BTG4: variants seen among roughly 807,000 people sequenced by gnomAD.
BTG4 encodes the protein protein BTG4.
A neutral mutation model predicts 19.3 loss-of-function variants in BTG4; 10 were observed. That is an observed-to-expected ratio of 0.52 (90% CI 0.32 to 0.88). The LOEUF (loss-of-function observed/expected upper bound fraction) is 0.88, where lower values mean the gene tolerates loss of function less well. Ranked by LOEUF, BTG4 falls within the 40% of genes least tolerant of loss-of-function variation. The probability of loss-of-function intolerance (pLI) is 0.04; values close to 1 mark genes in which losing one functional copy is unlikely to be tolerated. For missense variants in BTG4, 238 were observed against 281.9 expected (o/e 0.84, Z 1.11); for synonymous variants, 91 against 95.7 (o/e 0.95, Z 0.29).
chr11:111,508,542 T>G (rs948112491), intron 1 of BTG4, among the ~76,000 whole-genome samples: 2 of 152,070 alleles, frequency 1.3e-5, no homozygotes, highest in Non-Finnish European at 2.9e-5. Flanking sequence ...GTGTTTTTCC[T>G]TCACAAATTG....
the BTG4 span, among the ~76,000 whole-genome samples, chr11:111,390,695 G>A: frequency 4.6e-5 from 7 of 152,298 alleles, no homozygotes; most frequent in East Asian, 7.7e-4. Context: ...TCCACTCTGC[G>A]ACAGAGACAG....
At chr11:111,496,674 A>T (rs1425352004) in intron 4 of BTG4, 1 of 152,620 alleles carries the variant, frequency 6.6e-6, no homozygotes, top group African/African-American at 2.4e-5. Context: ...AATGAATTTA[A>T]TTGGAAGTAT....
the BTG4 span, among the ~76,000 whole-genome samples, chr11:111,421,849 G>A: frequency 3.9e-5 from 6 of 152,090 alleles, no homozygotes; most frequent in Admixed American, 3.9e-4. Flanking sequence ...GGCAGCAGAG[G>A]TTGCAGTGAG....
Position 111,498,809 on chromosome 11 carries a change from C to T in BTG4, c.-26-7G>A, listed in dbSNP as rs1591519667. 1 of 1,537,236 alleles carries T rather than the reference C, an allele frequency of 6.5e-7. No homozygotes were observed. The highest frequency in any genetic ancestry group is 8.8e-7 in the Non-Finnish European group (1 of 1,135,394). ...GAAAAATAGATAAGGAGGTCTGAAT[C>T]ATTAAAAGGAAGCAAGAAGAAATAG... On this transcript the variant is annotated splice_region_variant and splice_polypyrimidine_tract_variant and intron_variant, in intron 1 of 4. Transcript: ENST00000692032.
intron 1 of BTG4, among the ~76,000 whole-genome samples, chr11:111,503,831 C>A (rs944936429): frequency 6.6e-6 from 1 of 151,986 alleles, no homozygotes; most frequent in Non-Finnish European, 1.5e-5. Flanking sequence ...AACTTGATGG[C>A]TAAGGAATAG....
chr11:111,496,819 G>A (rs1211089510), intron 4 of BTG4: 1 of 229,308 alleles, frequency 4.4e-6, no homozygotes, highest in Admixed American at 5.7e-5. Context: ...CTGCTCTAGT[G>A]GCAGAATTTA....
chr11:111,440,748 G>C, the BTG4 span, among the ~76,000 whole-genome samples: 1 of 152,242 alleles, frequency 6.6e-6, no homozygotes, highest in Non-Finnish European at 1.5e-5. Context: ...CCAAGACAGG[G>C]GGAATGCCCC....
chr11:111,391,649 C>T, the BTG4 span, among the ~76,000 whole-genome samples: 1 of 152,002 alleles, frequency 6.6e-6, no homozygotes, highest in Non-Finnish European at 1.5e-5. Flanking sequence ...GTGTTCCAAG[C>T]TGCTTGTGAT....
intron 1 of BTG4, among the ~76,000 whole-genome samples, chr11:111,510,945 A>G (rs1165171827): frequency 6.6e-6 from 1 of 152,240 alleles, no homozygotes; most frequent in African/African-American, 2.4e-5. Context: ...AGTATTGGGT[A>G]AAAGTGACTA....
intron 5 of BTG4, among the ~76,000 whole-genome samples, chr11:111,470,850 G>A (rs1864022200): frequency 6.6e-6 from 1 of 152,038 alleles, no homozygotes; most frequent in Non-Finnish European, 1.5e-5. Flanking sequence ...TTGAGCCCAG[G>A]AGTTTGAAGC....
At chr11:111,504,333 C>T (rs191582171) in intron 1 of BTG4, among the ~76,000 whole-genome samples, 2 of 152,178 alleles carry the variant, frequency 1.3e-5, no homozygotes, top group East Asian at 3.9e-4. Flanking sequence ...TTTCCCAAAA[C>T]ATTATCTAAT....
chr11:111,389,266 G>A, the BTG4 span, among the ~76,000 whole-genome samples: 4 of 152,228 alleles, frequency 2.6e-5, no homozygotes, highest in South Asian at 8.3e-4. Flanking sequence ...CAGAGAAAAT[G>A]AAAACGAGAT....
intron 1 of BTG4, among the ~76,000 whole-genome samples, chr11:111,504,284 A>G (rs1260526394): frequency 1.3e-5 from 2 of 152,164 alleles, no homozygotes; most frequent in Non-Finnish European, 2.9e-5. Context: ...GTCAAGCCAC[A>G]TAAAAGGAAG....
downstream of BTG4, among the ~76,000 whole-genome samples, chr11:111,463,771 A>G (rs1298367567): frequency 6.6e-6 from 1 of 152,212 alleles, no homozygotes; most frequent in African/African-American, 2.4e-5. Context: ...GGTCTCCACA[A>G]GCTACACTCA....
chr11:111,419,834 TCA>T, the BTG4 span, among the ~76,000 whole-genome samples: 1 of 152,218 alleles, frequency 6.6e-6, no homozygotes, highest in South Asian at 2.1e-4. Context: ...CTCAGCAGCC[TCA>T]GTTCCCAGAG....
chr11:111,388,484 G>A, the BTG4 span, among the ~76,000 whole-genome samples: 2 of 151,900 alleles, frequency 1.3e-5, no homozygotes, highest in Non-Finnish European at 2.9e-5. Flanking sequence ...CCCCTAGAAT[G>A]CCCTGATTAC....
chr11:111,396,659 C>A, the BTG4 span: 1 of 152,280 alleles, frequency 6.6e-6, no homozygotes, highest in African/African-American at 2.4e-5. Context: ...GGCCTGCCCA[C>A]CTCCCAGCAT....
chr11:111,501,575 AATAG>A (rs1324275909), intron 1 of BTG4, among the ~76,000 whole-genome samples: 4 of 152,226 alleles, frequency 2.6e-5, no homozygotes, highest in African/African-American at 9.6e-5. Context: ...AGGATACAAA[AATAG>A]ATAGAAGCAA....
At chr11:111,441,646 CT>C in the BTG4 span, among the ~76,000 whole-genome samples, 1 of 152,226 alleles carries the variant, frequency 6.6e-6, no homozygotes, top group South Asian at 2.1e-4. Context: ...CGCTTTTGAT[CT>C]CATGAAGTTC....
Sources: gnomAD v4.1 joint callset for allele counts (sites outside exome capture counted in the v4.1 genomes callset) on GRCh38, gnomAD v4.1.1 for gene constraint, MANE v1.5 for transcripts, NCBI Gene and HGNC (gene_info 2026-07-23, HGNC 2026-07-21) for gene names.